Variants in RALGPS2 observed in about 807,000 individuals in gnomAD.
RALGPS2 encodes the protein ras-specific guanine nucleotide-releasing factor RalGPS2.
A neutral mutation model predicts 86.8 loss-of-function variants in RALGPS2; 43 were observed. The ratio of observed to expected loss-of-function variants is 0.50; its 90% CI spans 0.39 to 0.64. RALGPS2 has a LOEUF of 0.64. Among genes scored for constraint, RALGPS2 ranks in the 30% least tolerant of loss-of-function variants. The pLI is 0.00. For synonymous variants in RALGPS2, 243 were observed against 231.3 expected, an observed-to-expected ratio of 1.05 and a Z score of -0.46; for missense variants, 536 against 694.6, an observed-to-expected ratio of 0.77 and a Z score of 2.57.
chr1:178,731,130 A>G (rs1046431358), intron 1 of RALGPS2, among the ~76,000 whole-genome samples: 1 of 152,072 alleles, frequency 6.6e-6, no homozygotes. Context: ...AAGAGGTAAA[A>G]TTTGTGAGAT....
intron 4 of RALGPS2, among the ~76,000 whole-genome samples, chr1:178,804,021 A>G (rs1654608580): frequency 6.6e-6 from 1 of 151,340 alleles, no homozygotes; most frequent in Non-Finnish European, 1.5e-5. Flanking sequence ...GAAGGACTAT[A>G]GTATCATCTT....
chr1:178,746,733 G>T, intron 1 of RALGPS2: 3 of 781,372 alleles, frequency 3.8e-6, no homozygotes, highest in Non-Finnish European at 7.1e-6. Flanking sequence ...TTCTCATTTA[G>T]CCTCTATTTC....
intron 1 of RALGPS2, among the ~76,000 whole-genome samples, chr1:178,774,805 C>G (rs924747268): frequency 6.6e-6 from 1 of 152,166 alleles, no homozygotes; most frequent in African/African-American, 2.4e-5. Flanking sequence ...CTGCTCTTAG[C>G]AGGTACCTAG....
At chr1:178,878,060 A>G (rs1659073144) in intron 9 of RALGPS2, among the ~76,000 whole-genome samples, 1 of 152,066 alleles carries the variant, frequency 6.6e-6, no homozygotes, top group Admixed American at 6.5e-5. Context: ...TCGTTCTTAC[A>G]GTTTTCAATT....
intron 8 of RALGPS2, among the ~76,000 whole-genome samples, chr1:178,846,559 C>A (rs562388279): frequency 1.4e-4 from 22 of 152,086 alleles, no homozygotes; most frequent in African/African-American, 5.1e-4. Flanking sequence ...CCTCTAAATT[C>A]TTTGTTGATA....
intron 1 of RALGPS2, among the ~76,000 whole-genome samples, chr1:178,762,000 A>C (rs1652267717): frequency 6.6e-6 from 1 of 151,558 alleles, no homozygotes. Context: ...CTCAATCCTC[A>C]CTCTTCTTCC....
intron 8 of RALGPS2, among the ~76,000 whole-genome samples, chr1:178,862,390 A>G (rs1400646908): frequency 6.6e-6 from 1 of 152,144 alleles, no homozygotes; most frequent in African/African-American, 2.4e-5. Context: ...CACTGTAACC[A>G]TCTACCAGGA....
intron 8 of RALGPS2, among the ~76,000 whole-genome samples, chr1:178,837,239 T>C (rs1656324018): frequency 6.6e-6 from 1 of 152,222 alleles, no homozygotes; most frequent in African/African-American, 2.4e-5. Context: ...ACTTAATCCC[T>C]GGGGCCGTCT....
chr1:178,770,803 G>A (rs141480011), intron 1 of RALGPS2, among the ~76,000 whole-genome samples: 28 of 142,790 alleles, frequency 2.0e-4, no homozygotes, highest in South Asian at 4.4e-4. Context: ...GTACTTCTGC[G>A]TTTCTTAAAA....
chr1:178,831,838 G>A (rs565417994), intron 7 of RALGPS2, among the ~76,000 whole-genome samples: 1 of 152,030 alleles, frequency 6.6e-6, no homozygotes, highest in Admixed American at 6.6e-5. Context: ...CTGGAAACAA[G>A]TCTCTCCTAC....
intron 1 of RALGPS2, among the ~76,000 whole-genome samples, chr1:178,756,562 C>G (rs1651966363): frequency 6.6e-6 from 1 of 152,038 alleles, no homozygotes; most frequent in Non-Finnish European, 1.5e-5. Context: ...CTTACTGTAG[C>G]CTTATGGTAT....
intron 1 of RALGPS2, among the ~76,000 whole-genome samples, chr1:178,754,214 G>A (rs946088662): frequency 2.0e-5 from 3 of 151,054 alleles, no homozygotes; most frequent in African/African-American, 4.9e-5. Flanking sequence ...AGAATGAATA[G>A]GATGTGTATA....
chr1:178,791,897 G>T (rs1461715499), intron 4 of RALGPS2, among the ~76,000 whole-genome samples: 1 of 152,144 alleles, frequency 6.6e-6, no homozygotes, highest in Non-Finnish European at 1.5e-5. Context: ...GGGAAAAAAA[G>T]AAAAATTCCA....
Position 178,916,627 on chromosome 1 carries a change from A to G in RALGPS2, c.*268A>G, listed in dbSNP as rs1660824908. ...GGAAACCACTGCCTTAAAAGAATGA[A>G]AGGAAAACCAACATGAAACACCAAA... On this transcript the variant is annotated 3_prime_UTR_variant, in exon 20 of 20. Coordinates refer to ENST00000367635, the MANE Select transcript of RALGPS2 (RefSeq NM_152663.5). The G allele has an allele frequency of 2.5e-6, 1 of 396,046 alleles. No homozygotes were observed. Among genetic ancestry groups the G allele is most frequent in the Admixed American group, 4.4e-5 (1 of 22,674 alleles). 24.5% of individuals were successfully genotyped at this position (396,046 alleles called of 1,614,324 possible). A position where few individuals can be genotyped will look rare whatever the true frequency, so the allele number is the denominator to read the frequency against.
At chr1:178,887,550 G>A (rs1339385226) in intron 13 of RALGPS2, among the ~76,000 whole-genome samples, 3 of 152,166 alleles carry the variant, frequency 2.0e-5, no homozygotes, top group Admixed American at 2.0e-4. Context: ...CTACCAGATT[G>A]TTCAAGGACT....
At chr1:178,911,962 C>A (rs985352393) in intron 19 of RALGPS2, among the ~76,000 whole-genome samples, 1 of 152,102 alleles carries the variant, frequency 6.6e-6, no homozygotes, top group Non-Finnish European at 1.5e-5. Flanking sequence ...TTATGTAATG[C>A]CCTTCTTTGT....
At chr1:178,729,362 GACAAGGGCTTATTTTGTA>G in intron 1 of RALGPS2, among the ~76,000 whole-genome samples, 2 of 152,058 alleles carry the variant, frequency 1.3e-5, no homozygotes, top group East Asian at 3.8e-4. Context: ...GCTTCATGAG[GACAAGGGCTTATTTTGTA>G]CACTGTTCTC....
chr1:178,840,442 T>C (rs1245309712), intron 8 of RALGPS2, among the ~76,000 whole-genome samples: 2 of 152,188 alleles, frequency 1.3e-5, no homozygotes, highest in African/African-American at 4.8e-5. Context: ...AAAGCTGTTC[T>C]TTGAAACCAA....
chr1:178,900,410 C>T (rs1341521290), intron 17 of RALGPS2, among the ~76,000 whole-genome samples: 1 of 151,818 alleles, frequency 6.6e-6, no homozygotes, highest in Non-Finnish European at 1.5e-5. Context: ...AGATTGATGA[C>T]ATAGCATTGG....
Sources: allele counts gnomAD v4.1 joint callset (sites outside exome capture counted in the v4.1 genomes callset), GRCh38; gene constraint gnomAD v4.1.1; transcripts MANE v1.5; gene names NCBI Gene and HGNC (gene_info 2026-07-23, HGNC 2026-07-21).